PIK3C2G: variants seen among roughly 807,000 people sequenced by gnomAD.
The protein encoded by PIK3C2G is phosphatidylinositol 3-kinase C2 domain-containing subunit gamma.
Under a neutral mutation model 181.1 loss-of-function variants are expected in PIK3C2G, and 168 were observed. The ratio of observed to expected loss-of-function variants is 0.93; its 90% CI spans 0.82 to 1.05. The LOEUF (loss-of-function observed/expected upper bound fraction) is 1.05. PIK3C2G is among the 50% of genes least tolerant of loss of function. PIK3C2G has a pLI of 0.00. For synonymous variants in PIK3C2G, 573 were observed against 592.2 expected (o/e 0.97, Z 0.47); for missense variants, 1,869 against 1,732.8 (o/e 1.08, Z -1.40).
chr12:18,489,686 C>T (rs1447411), intron 19 of PIK3C2G, among the ~76,000 whole-genome samples: 97,846 of 151,976 alleles, frequency 0.64, 31,943 homozygotes, highest in East Asian at 0.89. Context: ...ATTTTTTAAA[C>T]GTTACTACAA....
At chr12:18,551,881 T>C (rs1944749984) in intron 26 of PIK3C2G, among the ~76,000 whole-genome samples, 1 of 152,106 alleles carries the variant, frequency 6.6e-6, no homozygotes. Flanking sequence ...CAGTGTAAAT[T>C]CCAGAGAGAG....
At position 18,607,913 on chromosome 12, in the gene PIK3C2G, A is replaced by G. The variant is rs559735640; in HGVS notation, c.4088-1622A>G. Among the ~76,000 whole-genome samples, 218 of 152,324 alleles carry G rather than the reference A, an allele frequency of 1.4e-3. 1 individual carries two copies. The highest frequency in any genetic ancestry group is 2.1e-3 in the Non-Finnish European group (146 of 68,028). On this transcript the variant is annotated intron_variant, in intron 30 of 32. Coordinates refer to ENST00000538779, the MANE Select transcript of PIK3C2G (RefSeq NM_001288772.2). ...AGAATATAAATAAGACACTTCTCAA[A>G]AGAAGACATTTATGCAGCCAAAAGA...
At chr12:18,395,251 A>T (rs1479446946) in intron 15 of PIK3C2G, among the ~76,000 whole-genome samples, 2 of 151,304 alleles carry the variant, frequency 1.3e-5, no homozygotes, top group African/African-American at 4.8e-5. Flanking sequence ...AAATAAACAA[A>T]TTCCATATAG....
chr12:18,641,811 G>A (rs973479671), intron 32 of PIK3C2G, among the ~76,000 whole-genome samples: 3 of 144,356 alleles, frequency 2.1e-5, no homozygotes, highest in Non-Finnish European at 4.5e-5. Context: ...GTGCAGTGGC[G>A]CAATCTCAGC....
chr12:18,443,140 G>C (rs537987971), intron 18 of PIK3C2G, among the ~76,000 whole-genome samples: 1 of 152,092 alleles, frequency 6.6e-6, no homozygotes, highest in Non-Finnish European at 1.5e-5. Context: ...CAAAGGGCTG[G>C]GATTACAGGC....
chr12:18,619,820 G>A (rs894294982), intron 31 of PIK3C2G, among the ~76,000 whole-genome samples: 13 of 150,892 alleles, frequency 8.6e-5, no homozygotes, highest in Non-Finnish European at 1.9e-4. Context: ...CGCCTCCCGG[G>A]TTCACGCCAT....
intron 26 of PIK3C2G, among the ~76,000 whole-genome samples, chr12:18,552,260 G>A (rs774078859): frequency 5.9e-4 from 90 of 152,152 alleles, no homozygotes; most frequent in Admixed American, 1.1e-3. Context: ...TATTTCTCAC[G>A]GCTAGGGTGT....
the PIK3C2G span, among the ~76,000 whole-genome samples, chr12:18,724,979 G>C: frequency 5.3e-5 from 8 of 152,166 alleles, no homozygotes; most frequent in Non-Finnish European, 1.2e-4. Flanking sequence ...CTGATAATTT[G>C]TTTTGTCTCG....
intron 28 of PIK3C2G, 29 bp from the exon 29 acceptor site, chr12:18,566,920 G>A: frequency 1.7e-6 from 2 of 1,150,808 alleles, no homozygotes; most frequent in African/African-American, 3.1e-5. Flanking sequence ...TCAAACTAAT[G>A]AAGATAACTT....
At chr12:18,322,647 C>A (rs1489155846) in intron 7 of PIK3C2G, among the ~76,000 whole-genome samples, 1 of 152,096 alleles carries the variant, frequency 6.6e-6, no homozygotes, top group African/African-American at 2.4e-5. Flanking sequence ...AGTGGCAGGA[C>A]TAAAATCAGG....
intron 8 of PIK3C2G, among the ~76,000 whole-genome samples, chr12:18,327,072 C>A (rs1565601886): frequency 1.3e-5 from 2 of 152,110 alleles, no homozygotes; most frequent in East Asian, 3.9e-4. Flanking sequence ...TAAAAGTTGG[C>A]AAAATACCAA....
At chr12:18,342,405 G>T (rs1372053781) in intron 9 of PIK3C2G, among the ~76,000 whole-genome samples, 1 of 151,754 alleles carries the variant, frequency 6.6e-6, no homozygotes, top group Non-Finnish European at 1.5e-5. Context: ...TTTTTGTTAC[G>T]GAAAAACAAT....
At chr12:18,286,782 A>G in intron 2 of PIK3C2G, 65 bp from the exon 3 acceptor site, 1 of 891,842 alleles carries the variant, frequency 1.1e-6, no homozygotes, top group Admixed American at 2.9e-5. Context: ...ACAGGATAAA[A>G]TTGTAGAATT....
chr12:18,723,476 T>A, the PIK3C2G span: 3 of 1,612,946 alleles, frequency 1.9e-6, no homozygotes, highest in Non-Finnish European at 1.7e-6. Context: ...TCTCTGTGCG[T>A]GATAATTCGA....
chr12:18,709,219 C>T, the PIK3C2G span, among the ~76,000 whole-genome samples: 1 of 149,572 alleles, frequency 6.7e-6, no homozygotes, highest in Non-Finnish European at 1.5e-5. Flanking sequence ...GGTCTAATTT[C>T]GTTCTTTAGC....
chr12:18,466,110 C>A (rs1307524241), intron 18 of PIK3C2G, among the ~76,000 whole-genome samples: 2 of 151,504 alleles, frequency 1.3e-5, no homozygotes, highest in Non-Finnish European at 3.0e-5. Flanking sequence ...ATACATAGAA[C>A]AAGAGATAGT....
chr12:18,658,885 A>G, the PIK3C2G span, among the ~76,000 whole-genome samples: 1 of 152,198 alleles, frequency 6.6e-6, no homozygotes, highest in African/African-American at 2.4e-5. Flanking sequence ...TTGCATTATG[A>G]AACCTGTAAA....
chr12:18,348,828 G>A (rs1939934197), intron 11 of PIK3C2G, among the ~76,000 whole-genome samples: 1 of 152,130 alleles, frequency 6.6e-6, no homozygotes, highest in Non-Finnish European at 1.5e-5. Context: ...CAAGAATCTG[G>A]GAAGCAGTTT....
At chr12:18,534,369 C>T (rs1330186067) in intron 24 of PIK3C2G, among the ~76,000 whole-genome samples, 1 of 151,864 alleles carries the variant, frequency 6.6e-6, no homozygotes, top group Non-Finnish European at 1.5e-5. Flanking sequence ...TCACTTCTCA[C>T]CCCTATTGGA....
Sources: allele counts gnomAD v4.1 joint callset (sites outside exome capture counted in the v4.1 genomes callset), GRCh38; gene constraint gnomAD v4.1.1; transcripts MANE v1.5; gene names NCBI Gene and HGNC (gene_info 2026-07-23, HGNC 2026-07-21).